NFIB: variants seen among roughly 807,000 people sequenced by gnomAD.
NFIB encodes the protein nuclear factor 1 B-type.
A neutral mutation model predicts 61.5 loss-of-function variants in NFIB; 11 were observed. The observed-to-expected ratio is 0.18, with a 90% CI of 0.11 to 0.30. The LOEUF (loss-of-function observed/expected upper bound fraction) is 0.30. Among genes scored for constraint, NFIB ranks in the 10% least tolerant of loss-of-function variants. The pLI is 1.00. For missense variants in NFIB, 471 were observed against 608.9 expected (o/e 0.77, Z 2.38); for synonymous variants, 260 against 216.5 (o/e 1.20, Z -1.76).
chr9:14,100,888 G>A (rs1487515846), intron 10 of NFIB, among the ~76,000 whole-genome samples: 2 of 152,128 alleles, frequency 1.3e-5, no homozygotes, highest in African/African-American at 2.4e-5. Context: ...CACGTCATCT[G>A]GTTTGCAATT....
chr9:14,230,606 A>C (rs184701948), intron 2 of NFIB, among the ~76,000 whole-genome samples: 49 of 152,340 alleles, frequency 3.2e-4, no homozygotes, highest in Admixed American at 2.4e-3. Context: ...ATGAAAGAGA[A>C]AAGGAAGATT....
intron 1 of NFIB, among the ~76,000 whole-genome samples, chr9:14,371,960 C>G (rs1448900251): frequency 6.6e-6 from 1 of 152,162 alleles, no homozygotes; most frequent in Non-Finnish European, 1.5e-5. Context: ...CCACTCTGCT[C>G]CAATTGGTCA....
chr9:14,150,412 T>C, intron 4 of NFIB, 147 bp from the exon 5 acceptor site: 1 of 1,367,062 alleles, frequency 7.3e-7, no homozygotes, highest in Non-Finnish European at 9.9e-7. Flanking sequence ...CCATACAACC[T>C]GGGTAGGACC....
intron 2 of NFIB, among the ~76,000 whole-genome samples, chr9:14,221,079 AG>A (rs1487566719): frequency 6.6e-6 from 1 of 152,156 alleles, no homozygotes; most frequent in Non-Finnish European, 1.5e-5. Flanking sequence ...TTGACATACC[AG>A]GAGTCTCTGC....
chr9:14,397,749 T>G (rs1424829256), intron 1 of NFIB, among the ~76,000 whole-genome samples: 1 of 152,214 alleles, frequency 6.6e-6, no homozygotes, highest in African/African-American at 2.4e-5. Context: ...TCTGACATAG[T>G]AGCTATACAA....
At chr9:14,455,393 G>A in the NFIB span, among the ~76,000 whole-genome samples, 1 of 152,182 alleles carries the variant, frequency 6.6e-6, no homozygotes, top group Non-Finnish European at 1.5e-5. Context: ...GGAAGGGAGG[G>A]AAAAGTGGTA....
intron 1 of NFIB, among the ~76,000 whole-genome samples, chr9:14,371,173 G>A (rs2061354657): frequency 6.6e-6 from 1 of 152,148 alleles, no homozygotes. Context: ...TGTCCAACCT[G>A]CCAGAGGACC....
upstream of NFIB, among the ~76,000 whole-genome samples, chr9:14,318,333 C>T (rs2060585968): frequency 6.6e-6 from 1 of 152,172 alleles, no homozygotes; most frequent in Admixed American, 6.5e-5. Context: ...ACATTTGAGC[C>T]TTTCACTACG....
At chr9:14,375,390 G>C (rs2061406285) in intron 1 of NFIB, among the ~76,000 whole-genome samples, 1 of 152,204 alleles carries the variant, frequency 6.6e-6, no homozygotes, top group Non-Finnish European at 1.5e-5. Flanking sequence ...AGGTGCAGTG[G>C]CTCATGCCTG....
At chr9:14,432,300 A>G in the NFIB span, among the ~76,000 whole-genome samples, 4 of 152,244 alleles carry the variant, frequency 2.6e-5, no homozygotes, top group Non-Finnish European at 2.9e-5. Flanking sequence ...GAATAAAGGC[A>G]ACATTCAGAA....
the NFIB span, among the ~76,000 whole-genome samples, chr9:14,418,401 C>T: frequency 6.6e-6 from 1 of 152,166 alleles, no homozygotes; most frequent in Non-Finnish European, 1.5e-5. Context: ...CTGGCACATA[C>T]CACTGTTACT....
At chr9:14,184,759 C>T (rs977775934) in intron 2 of NFIB, among the ~76,000 whole-genome samples, 2 of 152,130 alleles carry the variant, frequency 1.3e-5, no homozygotes, top group African/African-American at 4.8e-5. Flanking sequence ...TATGCTCACG[C>T]CTGTAAATCC....
intron 2 of NFIB, among the ~76,000 whole-genome samples, chr9:14,278,949 TAC>T (rs1293620561): frequency 6.6e-6 from 1 of 152,150 alleles, no homozygotes; most frequent in East Asian, 1.9e-4. Context: ...ATAGGTTCAA[TAC>T]AAAAACATTA....
chr9:14,371,746 A>G (rs2061360783), intron 1 of NFIB, among the ~76,000 whole-genome samples: 1 of 152,226 alleles, frequency 6.6e-6, no homozygotes, highest in Admixed American at 6.5e-5. Flanking sequence ...CCCCTTTAAC[A>G]GGGAAGGGGC....
chr9:14,380,681 A>G (rs1021796724), intron 1 of NFIB, among the ~76,000 whole-genome samples: 1 of 152,170 alleles, frequency 6.6e-6, no homozygotes, highest in African/African-American at 2.4e-5. Flanking sequence ...TTATGCCAGC[A>G]CATTAAACTA....
the NFIB span, among the ~76,000 whole-genome samples, chr9:14,455,717 C>G: frequency 6.6e-6 from 1 of 152,060 alleles, no homozygotes; most frequent in East Asian, 1.9e-4. Context: ...CTCAGGGAAG[C>G]TATACATTCA....
the NFIB span, among the ~76,000 whole-genome samples, chr9:14,416,951 G>A: frequency 1.4e-5 from 2 of 147,484 alleles, no homozygotes; most frequent in Non-Finnish European, 3.0e-5. Context: ...GGAGTGCAAT[G>A]GCATGATCTC....
At chr9:14,122,185 G>A in intron 7 of NFIB, among the ~76,000 whole-genome samples, 1 of 146,136 alleles carries the variant, frequency 6.8e-6, no homozygotes, top group East Asian at 2.1e-4. Flanking sequence ...TGTGGGTGGG[G>A]GGGTGGGACC....
chr9:14,293,115 C>T (rs996786801), intron 2 of NFIB, among the ~76,000 whole-genome samples: 5 of 152,098 alleles, frequency 3.3e-5, no homozygotes, highest in Admixed American at 1.3e-4. Flanking sequence ...GTTTTCAGTG[C>T]GTTACAATGA....
Sources: allele counts gnomAD v4.1 joint callset (sites outside exome capture counted in the v4.1 genomes callset), GRCh38; gene constraint gnomAD v4.1.1; transcripts MANE v1.5; gene names NCBI Gene and HGNC (gene_info 2026-07-23, HGNC 2026-07-21).